Variants in SMAD7 observed in about 807,000 individuals in gnomAD.
SMAD7 encodes SMAD family member 7, also known as MAD (mothers against decapentaplegic, Drosophila) homolog 7.
In SMAD7, 8 loss-of-function variants were observed where a neutral mutation model predicts 38.7. The ratio of observed to expected loss-of-function variants is 0.21; its 90% confidence interval spans 0.12 to 0.37. The LOEUF (loss-of-function observed/expected upper bound fraction) is 0.37. Among genes scored for constraint, SMAD7 ranks in the 10% least tolerant of loss-of-function variants. SMAD7 has a pLI of 1.00. For missense variants in SMAD7, 477 were observed against 577.9 expected (o/e 0.83, Z 1.79); for synonymous variants, 327 against 265.1 (o/e 1.23, Z -2.27).
At chr18:48,923,393 G>T (rs971808081) in intron 3 of SMAD7, among the ~76,000 whole-genome samples, 5 of 152,202 alleles carry the variant, frequency 3.3e-5, no homozygotes, top group Non-Finnish European at 7.3e-5. Context: ...CTGGGTAACT[G>T]GGGCAGCCCA....
intron 2 of SMAD7, among the ~76,000 whole-genome samples, chr18:48,947,918 T>G (rs12967182): frequency 0.2 from 28,453 of 139,046 alleles, 3,651 homozygotes; most frequent in Non-Finnish European, 0.29. Context: ...TACTGGCTGT[T>G]GCCTATACTT....
intron 3 of SMAD7, among the ~76,000 whole-genome samples, chr18:48,939,787 G>T (rs975999190): frequency 1.3e-5 from 2 of 151,898 alleles, no homozygotes; most frequent in Non-Finnish European, 2.9e-5. Context: ...GGAGGAGGAG[G>T]GAGAAACTCC....
intron 3 of SMAD7, among the ~76,000 whole-genome samples, chr18:48,927,364 T>G (rs1464546317): frequency 6.6e-6 from 1 of 152,030 alleles, no homozygotes. Context: ...ATGGCTGGAC[T>G]TGGGGGTGGG....
intron 3 of SMAD7, among the ~76,000 whole-genome samples, chr18:48,938,822 T>A (rs1471151714): frequency 2.0e-5 from 3 of 152,252 alleles, no homozygotes; most frequent in Non-Finnish European, 4.4e-5. Context: ...GCCTAGAGGC[T>A]TCCCAGCTAC....
Position 48,950,230 on chromosome 18 carries a change from C to T in SMAD7, c.195G>A (p.Ala65=). 2.0e-6 allele frequency: 3 copies of T among 1,501,814 alleles called. No homozygotes were observed. Among genetic ancestry groups the T allele is most frequent in the African/African-American group, 1.5e-5 (1 of 68,958 alleles). The allele number at this position is 1,501,814 out of a possible 1,614,324, so 93.0% of individuals were successfully genotyped here. Residue 65 remains alanine, a synonymous_variant, in exon 1 of 4, where the codon GCG becomes GCA. Transcript: ENST00000262158. ...GGTGGTGACCTTTGGCACCTCGCAC[C>T]GCCTTGCCCAGGCAGCATCCAGCCC... is the stretch of plus-strand genomic sequence containing the variant. ...PGRAGCCLGK[A]VRGAKGHHHP... is the part of the protein sequence containing the mutation.
intron 3 of SMAD7, among the ~76,000 whole-genome samples, chr18:48,937,055 G>A (rs1013415539): frequency 6.6e-6 from 1 of 151,638 alleles, no homozygotes; most frequent in Non-Finnish European, 1.5e-5. Flanking sequence ...CTCCAGCCTG[G>A]GCGACAGAGC....
rs1265202991 is a variant in SMAD7 at position 48,920,098 on chromosome 18, A to G, written c.*1274T>C. 1.3e-5 allele frequency: 2 copies of G among 152,394 alleles called. No homozygotes were observed. Among genetic ancestry groups the G allele is most frequent in the Admixed American group, 6.6e-5 (1 of 15,264 alleles). 9.4% of individuals were successfully genotyped at this position (152,394 alleles called of 1,614,324 possible). A position where few individuals can be genotyped will look rare whatever the true frequency, so the allele number is the denominator to read the frequency against. On this transcript the variant is annotated 3_prime_UTR_variant, in exon 4 of 4. Coordinates refer to ENST00000262158, the MANE Select transcript of SMAD7 (RefSeq NM_005904.4). ...TCTTTATATTTACAAGTAATAATAT[A>G]TTTATATATAACATAAAATACATTT...
chr18:48,947,902 C>CT (rs989977783), intron 2 of SMAD7, among the ~76,000 whole-genome samples: 2 of 150,646 alleles, frequency 1.3e-5, no homozygotes, highest in Admixed American at 6.6e-5. Flanking sequence ...ACCCCCCCCC[C>CT]CCTTTTACTG....
intron 3 of SMAD7, among the ~76,000 whole-genome samples, chr18:48,929,563 T>TCACACACACACACACACACA (rs1290309827): frequency 1.0e-4 from 4 of 38,620 alleles, no homozygotes; most frequent in Non-Finnish European, 1.8e-4. Context: ...TCTCTCTCTC[T>TCACACACACACACACACACA]CTCTCTCACT....
At chr18:48,934,787 A>G (rs536716813) in intron 3 of SMAD7, among the ~76,000 whole-genome samples, 4 of 152,068 alleles carry the variant, frequency 2.6e-5, no homozygotes, top group African/African-American at 9.6e-5. Flanking sequence ...AAAAAAAAAC[A>G]CAAAACAGAA....
In SMAD7 at chr18:48,921,969, G is replaced by A; in HGVS notation, c.743-59C>T. ...GACAGGCATTGGTGACTCCTAGAAT[G>A]AAGACACCCGCCCCCCCACTGCACC... On this transcript the variant is annotated intron_variant, in intron 3 of 3. Coordinates refer to ENST00000262158, the MANE Select transcript of SMAD7 (RefSeq NM_005904.4). The surrounding 1 kb of genome is among the most constrained non-coding windows in gnomAD (Gnocchi z 6.4). 4 of 1,338,656 alleles carry A rather than the reference G, an allele frequency of 3.0e-6. No homozygotes were observed. Among genetic ancestry groups the A allele is most frequent in the Non-Finnish European group, 4.1e-6 (4 of 980,848 alleles). 82.9% of individuals were successfully genotyped at this position (1,338,656 alleles called of 1,614,324 possible). A position where few individuals can be genotyped will look rare whatever the true frequency, so the allele number is the denominator to read the frequency against.
At chr18:48,947,971 C>A (rs553210638) in intron 2 of SMAD7, among the ~76,000 whole-genome samples, 1 of 143,816 alleles carries the variant, frequency 7.0e-6, no homozygotes, top group East Asian at 2.2e-4. Flanking sequence ...GTCTTCTTTG[C>A]ACCTTTTTAA....
At chr18:48,931,911 G>T (rs917917722) in intron 3 of SMAD7, among the ~76,000 whole-genome samples, 1 of 152,156 alleles carries the variant, frequency 6.6e-6, no homozygotes, top group African/African-American at 2.4e-5. Context: ...TGGACACCCT[G>T]GGGGGAAGGT....
At chr18:48,923,096 G>C (rs985820367) in intron 3 of SMAD7, among the ~76,000 whole-genome samples, 3 of 152,190 alleles carry the variant, frequency 2.0e-5, no homozygotes, top group Non-Finnish European at 4.4e-5. Flanking sequence ...TGTGGCAGCA[G>C]GGTGGAGACC....
In SMAD7 at chr18:48,950,137, C is replaced by T. The variant is rs1389193965; in HGVS notation, c.288G>A (p.Thr96=). The T allele has an allele frequency of 4.7e-6, 7 of 1,495,848 alleles. No individual in the cohort carries two copies. The highest frequency in any genetic ancestry group is 4.7e-5 in the Admixed American group (2 of 42,118). 92.7% of individuals were successfully genotyped at this position (1,495,848 alleles called of 1,614,324 possible). A position where few individuals can be genotyped will look rare whatever the true frequency, so the allele number is the denominator to read the frequency against. The change falls in exon 1 of 4, where the codon ACG becomes ACA. Residue 96 remains threonine, a synonymous_variant. Transcript: ENST00000262158. Reference sequence around the variant, plus strand: ...CCTTCAGTTTCTTGAGCACCGAGTGCGTGAGCGCCTTCAGATCCGCCTCGG... The same window carrying T: ...CCTTCAGTTTCTTGAGCACCGAGTGTGTGAGCGCCTTCAGATCCGCCTCGG... The part of the protein sequence containing the change: ...GGAEADLKAL[T]HSVLKKLKER...
rs1337513116 is a variant in SMAD7, at chr18:48,921,301, G to A, written c.*71C>T. On this transcript the variant is annotated 3_prime_UTR_variant, in exon 4 of 4. Transcript: ENST00000262158. This position sits in a 1 kb window ranked among gnomAD's most constrained non-coding sequence, Gnocchi z 6.4. The stretch of plus-strand genomic sequence containing the variant: ...TTGCATGAAAAGCAAGCACTCAGGA[G>A]GAAAATATTAGCAGCAAAGTAGTTT... 3 of 1,385,560 alleles carry A rather than the reference G, an allele frequency of 2.2e-6. No homozygotes were observed. The highest frequency in any genetic ancestry group is 2.9e-6 in the Non-Finnish European group (3 of 1,023,098). The allele number at this position is 1,385,560 out of a possible 1,614,324, so 85.8% of individuals were successfully genotyped here. A position where few individuals can be genotyped will look rare whatever the true frequency, so the allele number is the denominator to read the frequency against.
intron 2 of SMAD7, among the ~76,000 whole-genome samples, chr18:48,948,097 C>A (rs1218630727): frequency 6.6e-6 from 1 of 152,220 alleles, no homozygotes; most frequent in Non-Finnish European, 1.5e-5. Flanking sequence ...CAAGACACTT[C>A]TCTCTGGACT....
In SMAD7 at chr18:48,947,899, C is replaced by G. The variant is rs1299398825; in HGVS notation, c.667+485G>C. Among the ~76,000 whole-genome samples, 5 of 148,754 alleles carry G rather than the reference C, an allele frequency of 3.4e-5. No homozygotes were observed. In the South Asian group the frequency reaches 6.6e-4, roughly 20 times the overall value. On this transcript the variant is annotated intron_variant, in intron 2 of 3. Transcript: ENST00000262158. ...CTGGAGCAGGAGGAACCTACCCCCC[C>G]CCCCCTTTTACTGGCTGTTGCCTAT... is the stretch of plus-strand genomic sequence containing the variant.
In SMAD7 at chr18:48,950,356, G is replaced by A. The variant is rs1282927195; in HGVS notation, c.69C>T (p.Asp23=). The A allele has an allele frequency of 6.5e-7, 1 of 1,541,230 alleles. No individual in the cohort carries two copies. Among genetic ancestry groups the A allele is most frequent in the Non-Finnish European group, 8.7e-7 (1 of 1,143,200 alleles). ...CACCTCCCCCTGCGCCCTCCTCCTC[G>A]TCCTCGCCGCCGGGCGCACGGCTCC... The part of the protein sequence containing the change: ...LWRSRAPGGE[D]EEEGAGGGGG... The change falls in exon 1 of 4, where the codon GAC becomes GAT. Residue 23 remains aspartate (D), a synonymous_variant. Transcript: ENST00000262158.
Sources: gnomAD v4.1 joint callset for allele counts (sites outside exome capture counted in the v4.1 genomes callset) on GRCh38, gnomAD v4.1.1 for gene constraint, Gnocchi (gnomAD v3.1) non-coding constraint, MANE v1.5 for transcripts, NCBI Gene and HGNC (gene_info 2026-07-23, HGNC 2026-07-21) for gene names.